The following SRPK2 variants were observed in gnomAD, a reference collection of about 807,000 sequenced individuals.
SRPK2 encodes the protein SRSF protein kinase 2, also known as SFRS protein kinase 2.
Under a neutral mutation model 90.8 loss-of-function variants are expected in SRPK2, and 21 were observed. The ratio of observed to expected loss-of-function variants is 0.23; its 90% CI spans 0.16 to 0.33. The LOEUF (loss-of-function observed/expected upper bound fraction) is 0.33, where lower values mean the gene tolerates loss of function less well. Among genes scored for constraint, SRPK2 ranks in the 10% least tolerant of loss-of-function variants. The probability of loss-of-function intolerance (pLI) is 1.00; values close to 1 mark genes in which losing one functional copy is unlikely to be tolerated. For missense variants in SRPK2, 620 were observed against 869.0 expected, an observed-to-expected ratio of 0.71 and a Z score of 3.60; for synonymous variants, 288 against 311.1, an observed-to-expected ratio of 0.93 and a Z score of 0.78.
intron 2 of SRPK2, among the ~76,000 whole-genome samples, chr7:105,334,842 A>C (rs1585759803): frequency 6.6e-6 from 1 of 150,558 alleles, no homozygotes; most frequent in Admixed American, 6.6e-5. Flanking sequence ...ACCAAAAAAA[A>C]AAAAAACAAA....
chr7:105,146,409 T>A, intron 8 of SRPK2, 84 bp downstream of exon 8: 1 of 1,439,154 alleles, frequency 6.9e-7, no homozygotes, highest in East Asian at 2.4e-5. Context: ...ATGTGTAACG[T>A]TTGATTCAGA....
chr7:105,280,656 AGGG>A (rs34617561), intron 2 of SRPK2, among the ~76,000 whole-genome samples: 793 of 25,970 alleles, frequency 0.031, 16 homozygotes, highest in South Asian at 0.14. Context: ...ATTAAAAAAA[AGGG>A]GGGGGGGGCC....
chr7:105,373,460 C>T (rs1190736498), intron 2 of SRPK2, among the ~76,000 whole-genome samples: 4 of 143,992 alleles, frequency 2.8e-5, no homozygotes, highest in African/African-American at 1.0e-4. Flanking sequence ...TGGAGTGCAG[C>T]GGCATGATCT....
At chr7:105,220,831 GC>G (rs1458212083) in intron 2 of SRPK2, among the ~76,000 whole-genome samples, 1 of 151,970 alleles carries the variant, frequency 6.6e-6, no homozygotes, top group Non-Finnish European at 1.5e-5. Flanking sequence ...TGTTTCAGAA[GC>G]CATCTTGAAT....
intron 3 of SRPK2, among the ~76,000 whole-genome samples, chr7:105,175,954 AAG>A: frequency 6.6e-6 from 1 of 152,308 alleles, no homozygotes; most frequent in South Asian, 2.1e-4. Context: ...AAAGTAAAAA[AAG>A]AGGAAATACT....
intron 3 of SRPK2, among the ~76,000 whole-genome samples, chr7:105,182,055 C>T (rs1792925482): frequency 6.6e-6 from 1 of 151,166 alleles, no homozygotes; most frequent in South Asian, 2.1e-4. Flanking sequence ...ATGATGAAAC[C>T]CCAACTCTAC....
At chr7:105,270,861 A>G (rs968983131) in intron 2 of SRPK2, among the ~76,000 whole-genome samples, 1 of 152,198 alleles carries the variant, frequency 6.6e-6, no homozygotes, top group Non-Finnish European at 1.5e-5. Context: ...ATAAAGTAGT[A>G]TTGTGCCTGG....
At chr7:105,122,194 A>G (rs1176684477) in intron 15 of SRPK2, among the ~76,000 whole-genome samples, 4 of 152,230 alleles carry the variant, frequency 2.6e-5, no homozygotes, top group Non-Finnish European at 5.9e-5. Context: ...CTAAAACTAA[A>G]CAATTCCTAG....
At chr7:105,268,799 G>C in intron 2 of SRPK2, 1 of 1,597,280 alleles carries the variant, frequency 6.3e-7, no homozygotes, top group Non-Finnish European at 8.6e-7. Context: ...AAGAGATGTA[G>C]CTGTACCTTT....
At chr7:105,318,374 C>T (rs1291867439) in intron 2 of SRPK2, among the ~76,000 whole-genome samples, 2 of 152,212 alleles carry the variant, frequency 1.3e-5, no homozygotes, top group African/African-American at 4.8e-5. Context: ...GGATGACAGG[C>T]GTGAGCCACT....
intron 2 of SRPK2, among the ~76,000 whole-genome samples, chr7:105,272,122 A>G (rs563722967): frequency 2.6e-5 from 4 of 152,166 alleles, no homozygotes; most frequent in Non-Finnish European, 5.9e-5. Flanking sequence ...ACACATCTTC[A>G]CAATTCTAAA....
At chr7:105,200,935 A>G (rs1319532690) in intron 3 of SRPK2, among the ~76,000 whole-genome samples, 1 of 152,240 alleles carries the variant, frequency 6.6e-6, no homozygotes, top group East Asian at 1.9e-4. Flanking sequence ...AGGTCTGAAT[A>G]GTAGTGAAGT....
At chr7:105,380,354 A>T (rs1450209578) in intron 2 of SRPK2, among the ~76,000 whole-genome samples, 1 of 151,480 alleles carries the variant, frequency 6.6e-6, no homozygotes, top group South Asian at 2.1e-4. Flanking sequence ...CTGGTCTCAA[A>T]CTCCTGACCT....
intron 3 of SRPK2, among the ~76,000 whole-genome samples, chr7:105,197,526 C>G (rs1448205252): frequency 6.6e-6 from 1 of 152,174 alleles, no homozygotes; most frequent in East Asian, 1.9e-4. Context: ...CTATCCCGTA[C>G]TTGCAACCCA....
At chr7:105,164,309 C>A (rs1056995025) in intron 6 of SRPK2, among the ~76,000 whole-genome samples, 49 of 152,310 alleles carry the variant, frequency 3.2e-4, no homozygotes, top group African/African-American at 1.2e-3. Context: ...GAAAATACCT[C>A]AGAAAACTTC....
chr7:105,314,851 G>A (rs916127248), intron 2 of SRPK2, among the ~76,000 whole-genome samples: 8 of 152,224 alleles, frequency 5.3e-5, no homozygotes, highest in Admixed American at 1.3e-4. Context: ...TTGCTCAAAT[G>A]TAGTGAAATC....
At chr7:105,373,284 A>ATTTTTCT (rs1819905016) in intron 2 of SRPK2, among the ~76,000 whole-genome samples, 1 of 152,130 alleles carries the variant, frequency 6.6e-6, no homozygotes, top group Non-Finnish European at 1.5e-5. Flanking sequence ...TCAACGATAA[A>ATTTTTCT]CAAACGTAAT....
intron 3 of SRPK2, among the ~76,000 whole-genome samples, chr7:105,179,482 C>T (rs562133432): frequency 1.3e-4 from 20 of 152,206 alleles, no homozygotes; most frequent in African/African-American, 7.2e-5. Flanking sequence ...ACTACAGTAG[C>T]CCAAATAGCA....
At chr7:105,345,849 C>G (rs34217930) in intron 2 of SRPK2, among the ~76,000 whole-genome samples, 1 of 152,296 alleles carries the variant, frequency 6.6e-6, no homozygotes, top group African/African-American at 2.4e-5. Flanking sequence ...AATTAAAAAC[C>G]GGTTCCTCAG....
Sources: allele counts gnomAD v4.1 joint callset (sites outside exome capture counted in the v4.1 genomes callset), GRCh38; gene constraint gnomAD v4.1.1; transcripts MANE v1.5; gene names NCBI Gene and HGNC (gene_info 2026-07-23, HGNC 2026-07-21).